The following STRN3 variants were observed in gnomAD, a reference collection of about 807,000 sequenced individuals.
STRN3 encodes the protein striatin 3.
A neutral mutation model predicts 95.6 loss-of-function variants in STRN3; 29 were observed. The ratio of observed to expected loss-of-function variants is 0.30; its 90% CI spans 0.23 to 0.41. The LOEUF (loss-of-function observed/expected upper bound fraction) is 0.41, where lower values mean the gene tolerates loss of function less well. STRN3 is among the 10% of genes least tolerant of loss of function. The pLI, the probability that STRN3 is intolerant of heterozygous loss-of-function variation, is 1.00. For missense variants in STRN3, 890 were observed against 972.1 expected, an observed-to-expected ratio of 0.92 and a Z score of 1.12; for synonymous variants, 331 against 357.6, an observed-to-expected ratio of 0.93 and a Z score of 0.84.
intron 8 of STRN3, among the ~76,000 whole-genome samples, chr14:30,925,397 CA>C (rs549670080): frequency 1.4e-5 from 2 of 147,784 alleles, no homozygotes; most frequent in South Asian, 4.3e-4. Flanking sequence ...CTTTCCCTTC[CA>C]AAAAAAAAGA....
At chr14:31,015,298 T>A (rs547322125) in intron 1 of STRN3, among the ~76,000 whole-genome samples, 1 of 152,340 alleles carries the variant, frequency 6.6e-6, no homozygotes, top group South Asian at 2.1e-4. Context: ...TCCGTTTGCC[T>A]ATGTTATTCT....
intron 1 of STRN3, among the ~76,000 whole-genome samples, chr14:30,966,788 T>C (rs967414626): frequency 3.9e-5 from 6 of 152,094 alleles, no homozygotes; most frequent in Non-Finnish European, 8.8e-5. Flanking sequence ...CAAGGTTCCA[T>C]AGCTACCTCA....
chr14:30,908,522 CTCTG>C (rs1300794107), intron 13 of STRN3, among the ~76,000 whole-genome samples: 1 of 152,210 alleles, frequency 6.6e-6, no homozygotes, highest in African/African-American at 2.4e-5. Context: ...AGCGTCCAAA[CTCTG>C]TCTGGCCAAG....
intron 1 of STRN3, among the ~76,000 whole-genome samples, chr14:30,981,221 G>T (rs1881381915): frequency 6.6e-6 from 1 of 151,236 alleles, no homozygotes. Flanking sequence ...AGGCTGAGGT[G>T]GGAGGACCAC....
intron 1 of STRN3, among the ~76,000 whole-genome samples, chr14:30,973,341 A>AG: frequency 7.5e-6 from 1 of 133,652 alleles, no homozygotes; most frequent in East Asian, 2.5e-4. Context: ...GGTGGGGGGG[A>AG]GGGGGAGAGA....
At chr14:30,979,674 A>G (rs1881291251) in intron 1 of STRN3, among the ~76,000 whole-genome samples, 1 of 152,028 alleles carries the variant, frequency 6.6e-6, no homozygotes, top group African/African-American at 2.4e-5. Flanking sequence ...ATCTCGGCTC[A>G]CTGAAACCTC....
chr14:30,943,490 C>T (rs1879192068), intron 5 of STRN3, among the ~76,000 whole-genome samples: 1 of 152,084 alleles, frequency 6.6e-6, no homozygotes, highest in African/African-American at 2.4e-5. Context: ...GTCCCAGCTA[C>T]TCTGGAGGCT....
chr14:31,024,114 T>C (rs1410961100), intron 1 of STRN3, among the ~76,000 whole-genome samples: 1 of 152,194 alleles, frequency 6.6e-6, no homozygotes, highest in Admixed American at 6.5e-5. Context: ...TAGGTTTTAC[T>C]AATTTGGGCA....
intron 15 of STRN3, among the ~76,000 whole-genome samples, chr14:30,904,294 AG>A (rs1896402991): frequency 6.6e-6 from 1 of 152,220 alleles, no homozygotes; most frequent in Non-Finnish European, 1.5e-5. Context: ...AGCCAACATG[AG>A]CCCCACTGAG....
At chr14:30,927,930 CAA>C (rs56216107) in intron 8 of STRN3, among the ~76,000 whole-genome samples, 11,793 of 84,466 alleles carry the variant, frequency 0.14, 448 homozygotes, top group African/African-American at 0.2. Context: ...GAGACTCCGT[CAA>C]AAAAAAAAAA....
chr14:30,928,155 T>C lies in STRN3; in HGVS notation c.1099+1046A>G, dbSNP rs149002932. 3.7e-4 allele frequency among the ~76,000 whole-genome samples: 57 copies of C among 152,202 alleles called. No individual in the cohort carries two copies. In the East Asian group the frequency reaches 0.011, roughly 28 times the overall value. On this transcript the variant is annotated intron_variant, in intron 8 of 17. Transcript: ENST00000357479. ...AATTCACATGCAATAACAAAAGCTA[T>C]CATAAAGTTAGAAAAGAAAATTGTG...
chr14:30,935,873 T>TC (rs1878791574), intron 6 of STRN3, among the ~76,000 whole-genome samples: 1 of 152,316 alleles, frequency 6.6e-6, no homozygotes, highest in African/African-American at 2.4e-5. Context: ...GTCATTTTTT[T>TC]CTTATGTTAC....
intron 1 of STRN3, among the ~76,000 whole-genome samples, chr14:30,971,025 A>T (rs1880801918): frequency 6.6e-6 from 1 of 152,212 alleles, no homozygotes. Flanking sequence ...TCAGCCCCCG[A>T]GGGCCATCCA....
chr14:30,996,740 C>G (rs941088676), intron 1 of STRN3, among the ~76,000 whole-genome samples: 4 of 152,050 alleles, frequency 2.6e-5, no homozygotes, highest in African/African-American at 9.7e-5. Context: ...GTGGTGTGCA[C>G]CTGTAGTCCC....
chr14:30,932,911 A>G (rs1170242324), intron 7 of STRN3, among the ~76,000 whole-genome samples: 2 of 152,198 alleles, frequency 1.3e-5, no homozygotes, highest in Non-Finnish European at 1.5e-5. Context: ...AAAATAAGCT[A>G]AATGTGCATC....
chr14:30,985,238 G>A (rs1188516791), intron 1 of STRN3, among the ~76,000 whole-genome samples: 1 of 150,998 alleles, frequency 6.6e-6, no homozygotes, highest in East Asian at 2.0e-4. Flanking sequence ...AACCTAGGAG[G>A]CAGAGGTTGC....
At chr14:30,962,698 C>G (rs1880270592) in intron 1 of STRN3, among the ~76,000 whole-genome samples, 1 of 152,052 alleles carries the variant, frequency 6.6e-6, no homozygotes, top group Non-Finnish European at 1.5e-5. Flanking sequence ...CTATGACTGG[C>G]TAAGTTTTCT....
chr14:31,002,059 G>GGA (rs1882478376), intron 1 of STRN3, among the ~76,000 whole-genome samples: 1 of 151,308 alleles, frequency 6.6e-6, no homozygotes, highest in Admixed American at 6.6e-5. Flanking sequence ...CTAGCTACTC[G>GGA]GGAGGCTGAG....
chr14:30,964,027 G>A (rs964119895), intron 1 of STRN3, among the ~76,000 whole-genome samples: 3 of 152,092 alleles, frequency 2.0e-5, no homozygotes, highest in East Asian at 1.9e-4. Flanking sequence ...TGAGGCAGGC[G>A]GATCACTTGA....
Sources: gnomAD v4.1 joint callset for allele counts (sites outside exome capture counted in the v4.1 genomes callset) on GRCh38, gnomAD v4.1.1 for gene constraint, MANE v1.5 for transcripts, NCBI Gene and HGNC (gene_info 2026-07-23, HGNC 2026-07-21) for gene names.